PCDHA3: variants seen among roughly 807,000 people sequenced by gnomAD.
PCDHA3 encodes the protein protocadherin alpha-3.
In PCDHA3, 41 loss-of-function variants were observed where a neutral mutation model predicts 62.2. The observed-to-expected ratio is 0.66, with a 90% CI of 0.51 to 0.86. PCDHA3 has a LOEUF of 0.86. Among genes scored for constraint, PCDHA3 ranks in the 40% least tolerant of loss-of-function variants. PCDHA3 has a pLI of 0.00. For missense variants in PCDHA3, 1,304 were observed against 1,241.2 expected (o/e 1.05, Z -0.76); for synonymous variants, 640 against 555.4 (o/e 1.15, Z -2.14).
chr5:140,839,624 T>C (rs1776330895), intron 1 of PCDHA3, among the ~76,000 whole-genome samples: 1 of 152,036 alleles, frequency 6.6e-6, no homozygotes, highest in South Asian at 2.1e-4. Context: ...TCCTGAGATA[T>C]CGAGAAATAC....
At chr5:140,876,231 A>G (rs1428769390) in intron 1 of PCDHA3, 1 of 1,613,886 alleles carries the variant, frequency 6.2e-7, no homozygotes, top group African/African-American at 1.3e-5. Context: ...TGTTGTCTGA[A>G]AATGTCCAAA....
At chr5:140,865,342 T>C (rs1437907469) in intron 1 of PCDHA3, 1 of 152,320 alleles carries the variant, frequency 6.6e-6, no homozygotes, top group African/African-American at 2.4e-5. Context: ...AAAGAAATAG[T>C]ATATTTACAT....
chr5:140,838,984 C>T (rs1232719148), intron 1 of PCDHA3, among the ~76,000 whole-genome samples: 1 of 151,886 alleles, frequency 6.6e-6, no homozygotes, highest in African/African-American at 2.4e-5. Flanking sequence ...TTTCACTGTT[C>T]CTAATATTCT....
At chr5:140,880,972 A>G (rs574204364) in intron 1 of PCDHA3, among the ~76,000 whole-genome samples, 94 of 152,374 alleles carry the variant, frequency 6.2e-4, no homozygotes, top group Non-Finnish European at 8.5e-4. Flanking sequence ...AGAGAATACC[A>G]AATACTCTGC....
chr5:140,812,345 C>G (rs1765088890), intron 1 of PCDHA3: 1 of 151,876 alleles, frequency 6.6e-6, no homozygotes. Flanking sequence ...GTAATGCCAC[C>G]TCTTTTGTTT....
At chr5:140,835,470 G>T in intron 1 of PCDHA3, 2 of 1,613,868 alleles carry the variant, frequency 1.2e-6, no homozygotes, top group Non-Finnish European at 1.7e-6. Flanking sequence ...TCCAGAGGAC[G>T]CCCAACCAGG....
intron 3 of PCDHA3, among the ~76,000 whole-genome samples, chr5:141,007,801 G>A (rs559830556): frequency 2.6e-5 from 4 of 152,148 alleles, no homozygotes; most frequent in African/African-American, 7.2e-5. Flanking sequence ...GCCTTTATCT[G>A]CCATTCATTT....
chr5:140,874,158 G>T (rs986617459), intron 1 of PCDHA3, among the ~76,000 whole-genome samples: 8 of 152,108 alleles, frequency 5.3e-5, no homozygotes, highest in African/African-American at 1.7e-4. Context: ...GCCATTCTTG[G>T]TTACTCTTTC....
Position 140,818,873 on chromosome 5 carries a change from G to A in PCDHA3, c.2394+15282G>A, listed in dbSNP as rs145798187. 6.6e-5 allele frequency among the ~76,000 whole-genome samples: 10 copies of A among 152,306 alleles called. No individual in the cohort carries two copies. In the East Asian group the frequency reaches 1.7e-3, roughly 26 times the overall value. On this transcript the variant is annotated intron_variant, in intron 1 of 3. Coordinates refer to ENST00000522353, the MANE Select transcript of PCDHA3 (RefSeq NM_018906.3). The stretch of plus-strand genomic sequence containing the variant: ...CTATAGGTAGAGGCATAAAAAAGAT[G>A]CCTGAGATTGCATCTCTTGAATTTA...
intron 1 of PCDHA3, chr5:140,841,549 G>T (rs781866504): frequency 6.2e-6 from 10 of 1,613,710 alleles, no homozygotes; most frequent in East Asian, 2.2e-5. Context: ...ACCTTCTGGA[G>T]GTAAGTCTGC....
intron 2 of PCDHA3, among the ~76,000 whole-genome samples, chr5:140,979,231 C>T (rs1203154373): frequency 6.6e-6 from 1 of 152,186 alleles, no homozygotes; most frequent in Non-Finnish European, 1.5e-5. Context: ...TCTGTAAAAT[C>T]ACAGAAACAG....
chr5:140,845,010 T>G (rs2150375748), intron 1 of PCDHA3, among the ~76,000 whole-genome samples: 12 of 149,368 alleles, frequency 8.0e-5, no homozygotes, highest in Non-Finnish European at 1.0e-4. Context: ...GAACAAATAA[T>G]GTAATCATTT....
intron 3 of PCDHA3, among the ~76,000 whole-genome samples, chr5:140,987,213 CAA>C (rs58319157): frequency 9.3e-5 from 11 of 118,826 alleles, no homozygotes; most frequent in African/African-American, 1.6e-4. Flanking sequence ...GACTCCATCT[CAA>C]AAAAAAAAAA....
At chr5:140,954,356 CCA>C (rs1251664193) in intron 1 of PCDHA3, among the ~76,000 whole-genome samples, 1 of 152,152 alleles carries the variant, frequency 6.6e-6, no homozygotes, top group Non-Finnish European at 1.5e-5. Flanking sequence ...TGAGGAATCG[CCA>C]CACAGTCTCC....
At chr5:140,981,748 G>C (rs975887463) in intron 2 of PCDHA3, among the ~76,000 whole-genome samples, 28 of 151,686 alleles carry the variant, frequency 1.8e-4, no homozygotes, top group African/African-American at 6.8e-4. Context: ...ATATGAGTTA[G>C]TATTAGACAT....
chr5:140,810,990 G>C (rs1764773060), intron 1 of PCDHA3: 1 of 152,100 alleles, frequency 6.6e-6, no homozygotes, highest in South Asian at 2.1e-4. Flanking sequence ...TAGGGGTCAA[G>C]ATTTATTTTT....
intron 1 of PCDHA3, among the ~76,000 whole-genome samples, chr5:140,838,065 TTA>T (rs144773480): frequency 0.038 from 4,279 of 113,132 alleles, 207 homozygotes; most frequent in Non-Finnish European, 0.046. Context: ...CCACTTTAAG[TTA>T]TATATATATA....
intron 1 of PCDHA3, among the ~76,000 whole-genome samples, chr5:140,915,915 T>C (rs782614078): frequency 1.3e-5 from 2 of 152,158 alleles, no homozygotes; most frequent in Non-Finnish European, 2.9e-5. Context: ...GGCCCAGAGA[T>C]GCTACTTGGG....
intron 3 of PCDHA3, among the ~76,000 whole-genome samples, chr5:141,003,593 G>A (rs1291518572): frequency 6.6e-6 from 1 of 152,140 alleles, no homozygotes; most frequent in African/African-American, 2.4e-5. Flanking sequence ...GATTTTAGAT[G>A]TGAGCCACCA....
Sources: allele counts gnomAD v4.1 joint callset (sites outside exome capture counted in the v4.1 genomes callset), GRCh38; gene constraint gnomAD v4.1.1; transcripts MANE v1.5; gene names NCBI Gene and HGNC (gene_info 2026-07-23, HGNC 2026-07-21).